Variants in HNRNPL observed in about 807,000 individuals in gnomAD.
HNRNPL encodes heterogeneous nuclear ribonucleoprotein L, also known as epididymis secretory sperm binding protein.
In HNRNPL, 12 loss-of-function variants were observed where a neutral mutation model predicts 64.0. That is an observed-to-expected ratio of 0.19 (90% CI 0.12 to 0.30). HNRNPL has a LOEUF of 0.30. Among genes scored for constraint, HNRNPL ranks in the 10% least tolerant of loss-of-function variants. The pLI, the probability that HNRNPL is intolerant of heterozygous loss-of-function variation, is 1.00. For missense variants in HNRNPL, 484 were observed against 797.4 expected (o/e 0.61, Z 4.73); for synonymous variants, 385 against 313.0 (o/e 1.23, Z -2.43).
At chr19:38,843,719 G>A in intron 6 of HNRNPL, 123 bp downstream of exon 6, 1 of 781,778 alleles carries the variant, frequency 1.3e-6, no homozygotes. Flanking sequence ...CTGACCCCAA[G>A]GCCCTCCCAT....
At chr19:38,848,504 G>C (rs890032001) in intron 1 of HNRNPL, among the ~76,000 whole-genome samples, 4 of 152,234 alleles carry the variant, frequency 2.6e-5, no homozygotes, top group African/African-American at 9.6e-5. Context: ...GTCATCAGGA[G>C]AAAGATTAAC....
At chr19:38,836,905 C>A in intron 12 of HNRNPL, 125 bp from the exon 13 acceptor site, 1 of 649,276 alleles carries the variant, frequency 1.5e-6, no homozygotes, top group South Asian at 2.1e-5. Context: ...GGAGTGACTG[C>A]CCAACGTGAG....
intron 2 of HNRNPL, among the ~76,000 whole-genome samples, chr19:38,846,871 A>G (rs1972314180): frequency 6.6e-6 from 1 of 152,160 alleles, no homozygotes. Flanking sequence ...TTGTCACTGC[A>G]CTCCAGCCTG....
chr19:38,842,202 A>C (rs969110563), intron 6 of HNRNPL: 1 of 153,408 alleles, frequency 6.5e-6, no homozygotes, highest in African/African-American at 2.4e-5. Context: ...AACAGAAAAA[A>C]AACAAGGCCC....
chr19:38,844,105 G>GT lies in HNRNPL; in HGVS notation c.711-2dup, dbSNP rs779744645. On this transcript the variant is annotated splice_acceptor_variant, in intron 4 of 12. Transcript: ENST00000221419. LOFTEE classifies it high-confidence loss of function. ...CTGGGCACTTTGAACTGAGTCAAAT[G>GT]TGAGTCAAGTTAAGGAAAGTCCCAT... 1 of 1,601,362 alleles carries GT rather than the reference G, an allele frequency of 6.2e-7. No homozygotes were observed. Among genetic ancestry groups the GT allele is most frequent in the Non-Finnish European group, 8.6e-7 (1 of 1,168,334 alleles).
intron 2 of HNRNPL, among the ~76,000 whole-genome samples, 178 bp downstream of exon 2, chr19:38,847,138 G>GTCATGGAACTTGCTGTAA (rs1233740215): frequency 1.3e-5 from 2 of 152,182 alleles, no homozygotes; most frequent in African/African-American, 2.4e-5. Context: ...AGGAAAAAGG[G>GTCATGGAACTTGCTGTAA]TCATGGAACT....
At chr19:38,840,600 T>C (rs1308600415) in intron 6 of HNRNPL, 41 bp from the exon 7 acceptor site, 2 of 1,501,662 alleles carry the variant, frequency 1.3e-6, no homozygotes, top group Non-Finnish European at 1.8e-6. Flanking sequence ...ACTCAGAAAT[T>C]GGGGTCTCTC....
chr19:38,839,027 T>G lies in HNRNPL; in HGVS notation c.1234-12A>C. The G allele has an allele frequency of 6.2e-7, 1 of 1,613,278 alleles. No individual in the cohort carries two copies. The highest frequency in any genetic ancestry group is 8.5e-7 in the Non-Finnish European group (1 of 1,179,790). ...TTCATGAATTTCACCTTGGGGAGAG[T>G]AGCTGCAGTCAGCACCTCTGTCCAG... On this transcript the variant is annotated splice_polypyrimidine_tract_variant and intron_variant, in intron 8 of 12. Transcript: ENST00000221419.
rs556772050 is a variant in HNRNPL, at chr19:38,840,282, C to T, written c.1047G>A (p.Val349=). 9.5e-6 allele frequency: 15 copies of T among 1,576,628 alleles called. No individual in the cohort carries two copies. The highest frequency in any genetic ancestry group is 2.7e-5 in the African/African-American group (2 of 74,528). The change falls in exon 8 of 13, where the codon GTG becomes GTA. Residue 349 remains valine, a synonymous_variant. Transcript: ENST00000221419. Reference sequence around the variant, plus strand: ...GACTTGGGCCCCGACGGTGACCCCCCACTGGTGGACCCATCCTTCTCCCTT... The same window carrying T: ...GACTTGGGCCCCGACGGTGACCCCCTACTGGTGGACCCATCCTTCTCCCTT... ...HYEGRRMGPP[V]GGHRRGPSRY...
chr19:38,840,271 C>T lies in HNRNPL; in HGVS notation c.1058G>A (p.Arg353His), dbSNP rs1972067462. ...RRMGPPVGGH[R>H]RGPSRYGPQY... ...GGGGCCGTAGCGACTTGGGCCCCGA[C>T]GGTGACCCCCCACTGGTGGACCCAT... The change falls in exon 8 of 13, where the codon CGT (arginine) becomes CAT (histidine). Residue 353 changes from arginine to histidine, a missense_variant. By Grantham distance (29) the Arg-to-His change is conservative. This residue lies in a region of HNRNPL where 25 missense variants were observed against 67.0 expected (regional missense o/e 0.37). Transcript: ENST00000221419. The T allele has an allele frequency of 1.9e-6, 3 of 1,578,304 alleles. No homozygotes were observed. Among genetic ancestry groups the T allele is most frequent in the Non-Finnish European group, 1.7e-6 (2 of 1,162,666 alleles).
intron 8 of HNRNPL, 79 bp downstream of exon 8, chr19:38,840,017 T>TC: frequency 5.8e-6 from 8 of 1,377,900 alleles, no homozygotes; most frequent in Non-Finnish European, 8.2e-6. Flanking sequence ...CACACCAGGC[T>TC]CCCCCCTGGT....
At chr19:38,840,794 TGAAG>T (rs1371662322) in intron 6 of HNRNPL, 2 of 540,252 alleles carry the variant, frequency 3.7e-6, no homozygotes, top group Non-Finnish European at 6.4e-6. Flanking sequence ...CCTTGTTCTG[TGAAG>T]GACAAGGCCA....
chr19:38,850,101 T>G, upstream of HNRNPL: 2 of 652,952 alleles, frequency 3.1e-6, no homozygotes, highest in Admixed American at 4.2e-5. Context: ...CTTGCGCGCT[T>G]ATTGGACATT....
chr19:38,847,509 T>C (rs373874334), intron 1 of HNRNPL, 75 bp from the exon 2 acceptor site: 5 of 791,710 alleles, frequency 6.3e-6, no homozygotes, highest in African/African-American at 1.8e-5. Context: ...TGTACTGTTG[T>C]AGACCCAGTC....
intron 3 of HNRNPL, 35 bp from the exon 4 acceptor site, chr19:38,845,770 C>T (rs753456719): frequency 6.2e-6 from 10 of 1,602,008 alleles, no homozygotes; most frequent in Non-Finnish European, 8.6e-6. Context: ...TGAAGGGGCA[C>T]TGGCAGATCA....
upstream of HNRNPL, chr19:38,852,152 C>T (rs369725865): frequency 9.4e-3 from 1,398 of 148,048 alleles, 59 homozygotes; most frequent in East Asian, 0.12. Context: ...AGGCCGCCGG[C>T]CCGGCCTGGT....
At chr19:38,836,966 C>T (rs1266769055) in intron 12 of HNRNPL, 186 bp from the exon 13 acceptor site, 3 of 564,768 alleles carry the variant, frequency 5.3e-6, no homozygotes, top group Middle Eastern at 3.0e-4. Flanking sequence ...TCCTTCTCTT[C>T]CTTCATTCCC....
chr19:38,839,510 A>G (rs1568367920), intron 8 of HNRNPL: 1 of 176,114 alleles, frequency 5.7e-6, no homozygotes, highest in Non-Finnish European at 1.2e-5. Flanking sequence ...CCATCTCATT[A>G]AGGATTAATG....
chr19:38,836,857 C>G (rs1971945588), intron 12 of HNRNPL, 77 bp from the exon 13 acceptor site: 2 of 1,080,086 alleles, frequency 1.9e-6, no homozygotes, highest in Non-Finnish European at 2.8e-6. Context: ...AGTTTGTACC[C>G]ATCTCCCATT....
Sources: gnomAD v4.1 joint callset for allele counts (sites outside exome capture counted in the v4.1 genomes callset) on GRCh38, gnomAD v4.1.1 for gene constraint, gnomAD v4.1.1 regional missense constraint, MANE v1.5 for transcripts, NCBI Gene and HGNC (gene_info 2026-07-23, HGNC 2026-07-21) for gene names.